Variants in AGMO observed in about 807,000 individuals in gnomAD.
AGMO encodes alkylglycerol monooxygenase.
Under a neutral mutation model 60.2 loss-of-function variants are expected in AGMO, and 75 were observed. The observed-to-expected ratio is 1.25, with a 90% confidence interval of 1.03 to 1.51. The LOEUF (loss-of-function observed/expected upper bound fraction) is 1.51. Among genes scored for constraint, AGMO ranks in the 40% most tolerant of loss-of-function variants. The pLI is 0.00. For synonymous variants in AGMO, 261 were observed against 177.1 expected (o/e 1.47, Z -3.76); for missense variants, 763 against 525.5 (o/e 1.45, Z -4.42).
At chr7:15,236,475 ACT>A (rs1782422542) in intron 12 of AGMO, among the ~76,000 whole-genome samples, 1 of 151,988 alleles carries the variant, frequency 6.6e-6, no homozygotes, top group South Asian at 2.1e-4. Context: ...AAGATAAAGA[ACT>A]CTGTCTTGAA....
intron 12 of AGMO, among the ~76,000 whole-genome samples, chr7:15,271,512 A>C (rs1312587014): frequency 6.6e-6 from 1 of 152,140 alleles, no homozygotes; most frequent in Non-Finnish European, 1.5e-5. Context: ...TTTTATGTTA[A>C]TTTTGTATCT....
intron 12 of AGMO, among the ~76,000 whole-genome samples, chr7:15,354,301 T>C (rs1253441086): frequency 2.2e-5 from 2 of 92,418 alleles, no homozygotes; most frequent in African/African-American, 5.8e-5. Flanking sequence ...TAAATATATA[T>C]ACGTGTATAC....
intron 12 of AGMO, among the ~76,000 whole-genome samples, chr7:15,337,414 A>G (rs1472606685): frequency 2.0e-5 from 3 of 152,136 alleles, no homozygotes; most frequent in Non-Finnish European, 4.4e-5. Context: ...GACTGGCCAT[A>G]AAACAGAGGA....
In AGMO at chr7:15,410,839, T is replaced by G. The variant is rs531689393; in HGVS notation, c.609+7719A>C. On this transcript the variant is annotated intron_variant, in intron 5 of 12. Transcript: ENST00000342526. ...TAAACTTGGGCAGAGTTCTTTACCT[T>G]CTTTGCCTTCTTGTGCTTGAGTTTC... is the stretch of plus-strand genomic sequence containing the variant. 1.5e-4 allele frequency among the ~76,000 whole-genome samples: 23 copies of G among 152,056 alleles called. No homozygotes were observed. The South Asian group carries it at 4.8e-3, about 32-fold the overall frequency.
intron 3 of AGMO, among the ~76,000 whole-genome samples, chr7:15,480,141 T>C (rs1227623660): frequency 1.3e-5 from 2 of 152,094 alleles, no homozygotes; most frequent in Admixed American, 6.6e-5. Flanking sequence ...GAGGCAGTAG[T>C]TACTTCCGAG....
chr7:15,373,134 G>A (rs1375987101), intron 10 of AGMO, among the ~76,000 whole-genome samples: 1 of 151,930 alleles, frequency 6.6e-6, no homozygotes, highest in East Asian at 1.9e-4. Context: ...AATTATCTGG[G>A]CATGGTGGCG....
chr7:15,237,340 G>A (rs1318716096), intron 12 of AGMO, among the ~76,000 whole-genome samples: 1 of 152,100 alleles, frequency 6.6e-6, no homozygotes. Flanking sequence ...CACAAAGGAA[G>A]GTAAGAAGCT....
At chr7:15,434,694 G>A (rs138775354) in intron 3 of AGMO, among the ~76,000 whole-genome samples, 11 of 152,178 alleles carry the variant, frequency 7.2e-5, no homozygotes, top group African/African-American at 1.7e-4. Context: ...GAGCTGAACC[G>A]ACTCGCAGCA....
At chr7:15,306,660 T>C (rs1031568150) in intron 12 of AGMO, 6 of 348,836 alleles carry the variant, frequency 1.7e-5, no homozygotes, top group Non-Finnish European at 3.4e-5. Flanking sequence ...GGATTGTTAA[T>C]GCTTCAAATA....
chr7:15,248,462 T>C (rs1274088186), intron 12 of AGMO, among the ~76,000 whole-genome samples: 3 of 151,896 alleles, frequency 2.0e-5, no homozygotes, highest in African/African-American at 7.2e-5. Context: ...TGCCAATTTC[T>C]ATTCATTGGG....
chr7:15,442,871 C>T (rs189731780), intron 3 of AGMO, among the ~76,000 whole-genome samples: 69 of 152,226 alleles, frequency 4.5e-4, no homozygotes, highest in African/African-American at 1.5e-3. Flanking sequence ...AAGACACAAG[C>T]GGCTGGACGT....
intron 12 of AGMO, among the ~76,000 whole-genome samples, chr7:15,286,004 T>G (rs1474729266): frequency 2.0e-5 from 3 of 151,992 alleles, no homozygotes; most frequent in African/African-American, 7.2e-5. Flanking sequence ...AATGTTGCTG[T>G]GAAAACTGGA....
chr7:15,361,908 C>T (rs544310517), intron 12 of AGMO, among the ~76,000 whole-genome samples: 5 of 152,126 alleles, frequency 3.3e-5, no homozygotes, highest in Non-Finnish European at 7.4e-5. Context: ...AGAGAAGAGT[C>T]ACAGGGTTGC....
At chr7:15,358,535 T>A in intron 12 of AGMO, 1 of 417,012 alleles carries the variant, frequency 2.4e-6, no homozygotes, top group Admixed American at 3.0e-5. Context: ...CCTCCAGGGA[T>A]TCCCTTCTTA....
At chr7:15,465,044 G>A (rs1329648645) in intron 3 of AGMO, among the ~76,000 whole-genome samples, 2 of 152,098 alleles carry the variant, frequency 1.3e-5, no homozygotes, top group Non-Finnish European at 2.9e-5. Context: ...AAGTAGCTTA[G>A]GAAGCACTAT....
chr7:15,388,191 A>G (rs1784001764), intron 8 of AGMO, among the ~76,000 whole-genome samples: 1 of 152,210 alleles, frequency 6.6e-6, no homozygotes, highest in African/African-American at 2.4e-5. Context: ...AAAATTGCTT[A>G]AAATATGACA....
intron 12 of AGMO, among the ~76,000 whole-genome samples, chr7:15,273,698 T>C (rs1356556326): frequency 6.6e-6 from 1 of 152,210 alleles, no homozygotes; most frequent in Non-Finnish European, 1.5e-5. Flanking sequence ...ATTGAATCTA[T>C]AAATTACCTT....
chr7:15,411,003 T>C (rs778999640), intron 5 of AGMO, among the ~76,000 whole-genome samples: 6 of 152,058 alleles, frequency 3.9e-5, no homozygotes, highest in African/African-American at 9.7e-5. Flanking sequence ...AGAATTGGAA[T>C]CTTTAAGATG....
chr7:15,394,883 C>T (rs1470264460), intron 5 of AGMO, among the ~76,000 whole-genome samples: 2 of 152,076 alleles, frequency 1.3e-5, no homozygotes, highest in African/African-American at 2.4e-5. Context: ...ATAAAAAGGC[C>T]TTTTTTCACA....
Sources: gnomAD v4.1 joint callset for allele counts (sites outside exome capture counted in the v4.1 genomes callset) on GRCh38, gnomAD v4.1.1 for gene constraint, MANE v1.5 for transcripts, NCBI Gene and HGNC (gene_info 2026-07-23, HGNC 2026-07-21) for gene names.